Variants in BABAM1 observed in about 807,000 individuals in gnomAD.
BABAM1 encodes BRISC and BRCA1-A complex member 1.
A neutral mutation model predicts 34.4 loss-of-function variants in BABAM1; 14 were observed. That is an observed-to-expected ratio of 0.41 (90% CI 0.27 to 0.64). The LOEUF (loss-of-function observed/expected upper bound fraction) is 0.64, where lower values mean the gene tolerates loss of function less well. BABAM1 is among the 30% of genes least tolerant of loss of function. BABAM1 has a pLI of 0.34. For missense variants in BABAM1, 393 were observed against 434.0 expected, an observed-to-expected ratio of 0.91 and a Z score of 0.84; for synonymous variants, 169 against 165.8, an observed-to-expected ratio of 1.02 and a Z score of -0.15.
chr19:17,269,233 A>G (rs1376651548), intron 2 of BABAM1, 142 bp downstream of exon 2: 24 of 1,122,552 alleles, frequency 2.1e-5, no homozygotes, highest in Non-Finnish European at 2.7e-5. Context: ...GCTTTCAACA[A>G]GAGAAATTTA....
chr19:17,268,736 A>T (rs536790954), intron 1 of BABAM1, 58 bp from the exon 2 acceptor site: 1 of 1,483,986 alleles, frequency 6.7e-7, no homozygotes, highest in Admixed American at 2.4e-5. Context: ...ACCGTAACCA[A>T]ATGTTTTTAA....
chr19:17,278,653 T>A lies in BABAM1; in HGVS notation c.787-192T>A, dbSNP rs141421148. Among the ~76,000 whole-genome samples the A allele has an allele frequency of 5.0e-3, 761 of 152,270 alleles. 5 individuals carry two copies. Among genetic ancestry groups the A allele is most frequent in the African/African-American group, 0.017 (712 of 41,548 alleles). On this transcript the variant is annotated intron_variant, in intron 8 of 8. Transcript: ENST00000598188. ...GGGCCATGACTGGGACCTCTTCAGATCCTTAACACTGGGTCCATGGCGGGG... is the reference window on the plus strand; with the variant it reads ...GGGCCATGACTGGGACCTCTTCAGAACCTTAACACTGGGTCCATGGCGGGG...
At chr19:17,272,954 G>A (rs1214372049) in intron 3 of BABAM1, among the ~76,000 whole-genome samples, 5 of 152,108 alleles carry the variant, frequency 3.3e-5, no homozygotes, top group Non-Finnish European at 5.9e-5. Context: ...GGAGATGGAG[G>A]TTGCGGTGAG....
At chr19:17,272,879 A>G (rs1019614291) in intron 3 of BABAM1, among the ~76,000 whole-genome samples, 1 of 152,012 alleles carries the variant, frequency 6.6e-6, no homozygotes, top group Non-Finnish European at 1.5e-5. Flanking sequence ...TTAGCTGGGC[A>G]CGGTGGTGCG....
chr19:17,274,375 C>A, intron 5 of BABAM1, 190 bp downstream of exon 5: 1 of 685,582 alleles, frequency 1.5e-6, no homozygotes, highest in Non-Finnish European at 2.4e-6. Context: ...AGTTGCCTAC[C>A]CCATGGAGAT....
intron 8 of BABAM1, chr19:17,277,219 T>TGAGACAGAGG (rs2073921269): frequency 5.8e-6 from 1 of 171,226 alleles, no homozygotes; most frequent in African/African-American, 3.9e-5. Context: ...TTTTTTTTTT[T>TGAGACAGAGG]GAGACAGAGT....
At chr19:17,274,345 C>T in intron 5 of BABAM1, 160 bp downstream of exon 5, 1 of 912,464 alleles carries the variant, frequency 1.1e-6, no homozygotes, top group East Asian at 2.6e-5. Context: ...GTTTCCCCAT[C>T]TGTACTGTGG....
Position 17,267,490 on chromosome 19 carries a change from C to G in BABAM1, c.-51C>G, listed in dbSNP as rs976010315. ...TGGCGGCTTCCTAGTGAGTCGGCGG[C>G]TGATTTAGAAGGAGGTTCAGGCTAC... On this transcript the variant is annotated 5_prime_UTR_variant, in exon 1 of 9. Transcript: ENST00000598188. 4 of 152,168 alleles carry G rather than the reference C, an allele frequency of 2.6e-5. No homozygotes were observed. Among genetic ancestry groups the G allele is most frequent in the African/African-American group, 9.7e-5 (4 of 41,430 alleles). 9.4% of individuals were successfully genotyped at this position (152,168 alleles called of 1,614,324 possible). A position where few individuals can be genotyped will look rare whatever the true frequency, so the allele number is the denominator to read the frequency against.
chr19:17,279,112 A>C lies in BABAM1; in HGVS notation c.*64A>C. On this transcript the variant is annotated 3_prime_UTR_variant, in exon 9 of 9. Coordinates refer to ENST00000598188, the MANE Select transcript of BABAM1 (RefSeq NM_014173.4). ...TCCTTGGCCTAAAGCCTTGGTTCTCAAACTGGGTTCCTTGGGACCTCCGGG... is the reference window on the plus strand; with the variant it reads ...TCCTTGGCCTAAAGCCTTGGTTCTCCAACTGGGTTCCTTGGGACCTCCGGG... The C allele has an allele frequency of 1.1e-4, 171 of 1,521,332 alleles. No individual in the cohort carries two copies. The highest frequency in any genetic ancestry group is 1.7e-4 in the Middle Eastern group (1 of 5,876). The allele number at this position is 1,521,332 out of a possible 1,614,324, so 94.2% of individuals were successfully genotyped here. A position where few individuals can be genotyped will look rare whatever the true frequency, so the allele number is the denominator to read the frequency against.
At chr19:17,278,756 T>C (rs1211453318) in intron 8 of BABAM1, 89 bp from the exon 9 acceptor site, 1 of 1,316,128 alleles carries the variant, frequency 7.6e-7, no homozygotes, top group East Asian at 2.5e-5. Context: ...AGATGTCCCC[T>C]CTTCTGAGAA....
In BABAM1 at chr19:17,268,837, G is replaced by A. The variant is rs750117724; in HGVS notation, c.31G>A (p.Glu11Lys). 83 of 1,610,364 alleles carry A rather than the reference G, an allele frequency of 5.2e-5. No individual in the cohort carries two copies. The Admixed American group carries it at 9.0e-4, about 18-fold the overall frequency. ...AGTGGCAGAGCCCAGCAGCCCCACT[G>A]AAGAGGAGGAGGAGGAAGAGGAGCA... MEVAEPSSPT[E>K]EEEEEEEHSA... Residue 11 changes from glutamate to lysine, a missense_variant, in exon 2 of 9, where the codon GAA becomes AAA. By Grantham distance (56) the Glu-to-Lys change is moderately conservative. Transcript: ENST00000598188.
intron 2 of BABAM1, among the ~76,000 whole-genome samples, chr19:17,269,534 A>G (rs575648932): frequency 1.8e-4 from 27 of 151,426 alleles, no homozygotes; most frequent in Admixed American, 4.0e-4. Context: ...TATTTTTAGT[A>G]GAGACAGGGT....
chr19:17,275,832 C>T lies in BABAM1; in HGVS notation c.569+7C>T, dbSNP rs752730650. 4 of 1,613,152 alleles carry T rather than the reference C, an allele frequency of 2.5e-6. No homozygotes were observed. The highest frequency in any genetic ancestry group is 1.1e-5 in the South Asian group (1 of 91,074). The stretch of plus-strand genomic sequence containing the variant: ...AAGGACTTTTCAGCCTCATGTAAGT[C>T]CCCTGTGGGGAAATTCTTATTCACC... On this transcript the variant is annotated splice_region_variant and intron_variant, in intron 6 of 8. Coordinates refer to ENST00000598188, the MANE Select transcript of BABAM1 (RefSeq NM_014173.4).
chr19:17,270,558 G>A (rs1173193757), intron 2 of BABAM1, among the ~76,000 whole-genome samples: 3 of 122,612 alleles, frequency 2.4e-5, no homozygotes, highest in Non-Finnish European at 1.6e-5. Context: ...ACGGAGTCCC[G>A]CTCTGTCACC....
Position 17,279,253 on chromosome 19 carries a change from A to G in BABAM1, c.*205A>G. On this transcript the variant is annotated 3_prime_UTR_variant, in exon 9 of 9. Transcript: ENST00000598188. ...ACCCATTTTCTGTGTCTCCCAGCCC[A>G]TTTCCACTCCTAGTTTGTCATGGAT... 1 of 516,254 alleles carries G rather than the reference A, an allele frequency of 1.9e-6. No homozygotes were observed. The highest frequency in any genetic ancestry group is 3.4e-6 in the Non-Finnish European group (1 of 294,228). 32.0% of individuals were successfully genotyped at this position (516,254 alleles called of 1,614,324 possible). A position where few individuals can be genotyped will look rare whatever the true frequency, so the allele number is the denominator to read the frequency against.
intron 2 of BABAM1, among the ~76,000 whole-genome samples, chr19:17,270,249 C>T (rs539913872): frequency 5.6e-4 from 85 of 152,190 alleles, no homozygotes; most frequent in East Asian, 7.8e-4. Flanking sequence ...GAGGTTTCAC[C>T]GTGTTAGCCA....
chr19:17,278,744 C>T (rs774696722), intron 8 of BABAM1, 101 bp from the exon 9 acceptor site: 35 of 1,184,768 alleles, frequency 3.0e-5, no homozygotes, highest in African/African-American at 6.1e-5. Flanking sequence ...AGAACCCACC[C>T]CAGATGTCCC....
At chr19:17,273,626 C>T (rs1444561342) in intron 3 of BABAM1, among the ~76,000 whole-genome samples, 17 of 141,734 alleles carry the variant, frequency 1.2e-4, no homozygotes, top group African/African-American at 3.9e-4. Flanking sequence ...TGCAGTGGCG[C>T]GATCTCAGCT....
At chr19:17,274,303 C>T in intron 5 of BABAM1, 118 bp downstream of exon 5, 1 of 1,329,046 alleles carries the variant, frequency 7.5e-7, no homozygotes, top group Non-Finnish European at 1.0e-6. Flanking sequence ...TCAGATCTGC[C>T]AAGGCTGGGA....
Sources: allele counts gnomAD v4.1 joint callset (sites outside exome capture counted in the v4.1 genomes callset), GRCh38; gene constraint gnomAD v4.1.1; transcripts MANE v1.5; gene names NCBI Gene and HGNC (gene_info 2026-07-23, HGNC 2026-07-21).